Variants in FBXL7 observed in about 807,000 individuals in gnomAD.
The protein encoded by FBXL7 is F-box and leucine rich repeat protein 7.
In FBXL7, 12 loss-of-function variants were observed where a neutral mutation model predicts 38.3. The observed-to-expected ratio is 0.31, with a 90% CI of 0.20 to 0.51. The LOEUF is 0.51. Ranked by LOEUF, FBXL7 falls within the 20% of genes least tolerant of loss-of-function variation. FBXL7 has a pLI of 0.98. For missense variants in FBXL7, 567 were observed against 676.4 expected (o/e 0.84, Z 1.79); for synonymous variants, 297 against 300.9 (o/e 0.99, Z 0.13).
At chr5:15,848,865 A>G (rs1002953441) in intron 2 of FBXL7, among the ~76,000 whole-genome samples, 1 of 152,166 alleles carries the variant, frequency 6.6e-6, no homozygotes, top group African/African-American at 2.4e-5. Context: ...TTCAAACAAT[A>G]TTTTTCAGGA....
At chr5:15,605,637 G>A (rs192585151) in intron 1 of FBXL7, among the ~76,000 whole-genome samples, 6 of 152,254 alleles carry the variant, frequency 3.9e-5, no homozygotes, top group Admixed American at 6.5e-5. Context: ...TTGGGGTGAT[G>A]AAAACATTTT....
rs543184554 is a variant in FBXL7 at position 15,694,133 on chromosome 5, C to T, written c.127+78061C>T. 1.2e-4 allele frequency among the ~76,000 whole-genome samples: 18 copies of T among 152,276 alleles called. No individual in the cohort carries two copies. In the South Asian group the frequency reaches 2.3e-3, roughly 19 times the overall value. On this transcript the variant is annotated intron_variant, in intron 2 of 3. Transcript: ENST00000504595. ...CGCTGCTGTGGGGTCGGAGCCCGTACTCCCCATGACATGCCTGTCTGCATG... is the reference window on the plus strand; with the variant it reads ...CGCTGCTGTGGGGTCGGAGCCCGTATTCCCCATGACATGCCTGTCTGCATG...
chr5:15,556,034 T>C (rs1015238909), intron 1 of FBXL7, among the ~76,000 whole-genome samples: 3 of 151,100 alleles, frequency 2.0e-5, no homozygotes, highest in Non-Finnish European at 4.4e-5. Flanking sequence ...CAGTCTATCA[T>C]CTACTTATCA....
intron 2 of FBXL7, among the ~76,000 whole-genome samples, chr5:15,626,433 C>A (rs1486314103): frequency 6.6e-6 from 1 of 152,056 alleles, no homozygotes; most frequent in Non-Finnish European, 1.5e-5. Flanking sequence ...ATGCTAAATA[C>A]CATTTCAGAC....
intron 2 of FBXL7, among the ~76,000 whole-genome samples, chr5:15,627,508 A>G (rs926544614): frequency 6.6e-6 from 1 of 152,212 alleles, no homozygotes; most frequent in Non-Finnish European, 1.5e-5. Context: ...TAGGCTCACA[A>G]AGTGTGTTAA....
chr5:15,556,025 A>C (rs1453610667), intron 1 of FBXL7, among the ~76,000 whole-genome samples: 1 of 138,538 alleles, frequency 7.2e-6, no homozygotes, highest in Non-Finnish European at 1.6e-5. Context: ...ATCATCTATC[A>C]GTCTATCATC....
chr5:15,764,970 A>G (rs1736547815), intron 2 of FBXL7, among the ~76,000 whole-genome samples: 1 of 152,206 alleles, frequency 6.6e-6, no homozygotes, highest in Non-Finnish European at 1.5e-5. Flanking sequence ...ATTTCTACAA[A>G]TTTTTTATTG....
rs535461314 is a variant in FBXL7 at position 15,503,156 on chromosome 5, C to A, written c.37+2443C>A. Among the ~76,000 whole-genome samples the A allele has an allele frequency of 8.5e-5, 13 of 152,294 alleles. No homozygotes were observed. In the South Asian group the frequency reaches 2.7e-3, roughly 32 times the overall value. ...ATAGCTGAGGTCGGGCGCGGTGGCC[C>A]ACACCTGTAATCCCACCAATTTGAG... On this transcript the variant is annotated intron_variant, in intron 1 of 3. Coordinates refer to ENST00000504595, the MANE Select transcript of FBXL7 (RefSeq NM_012304.5).
chr5:15,676,708 G>A (rs1475215275), intron 2 of FBXL7, among the ~76,000 whole-genome samples: 1 of 152,164 alleles, frequency 6.6e-6, no homozygotes, highest in African/African-American at 2.4e-5. Context: ...GCCATAGGTG[G>A]CCATGCTGCA....
At chr5:15,715,406 G>A (rs548481376) in intron 2 of FBXL7, among the ~76,000 whole-genome samples, 5 of 149,118 alleles carry the variant, frequency 3.4e-5, no homozygotes, top group South Asian at 2.1e-4. Context: ...CAGAAGAATC[G>A]CTTGAACCTG....
At chr5:15,708,253 G>A (rs1420440299) in intron 2 of FBXL7, among the ~76,000 whole-genome samples, 1 of 152,140 alleles carries the variant, frequency 6.6e-6, no homozygotes, top group African/African-American at 2.4e-5. Flanking sequence ...AACATTGTCT[G>A]CTCACTGCAG....
At chr5:15,926,381 G>C (rs997137219) in intron 2 of FBXL7, among the ~76,000 whole-genome samples, 1 of 146,742 alleles carries the variant, frequency 6.8e-6, no homozygotes, top group African/African-American at 2.5e-5. Context: ...TAATATCAAT[G>C]TATATTATGT....
At chr5:15,553,618 T>C (rs1738149570) in intron 1 of FBXL7, among the ~76,000 whole-genome samples, 1 of 152,224 alleles carries the variant, frequency 6.6e-6, no homozygotes, top group Non-Finnish European at 1.5e-5. Flanking sequence ...AATAAATCTC[T>C]GTTTTACAGA....
At chr5:15,852,641 C>G (rs1434044204) in intron 2 of FBXL7, among the ~76,000 whole-genome samples, 1 of 151,798 alleles carries the variant, frequency 6.6e-6, no homozygotes, top group Non-Finnish European at 1.5e-5. Context: ...GAGAAGACCA[C>G]ATTTACAGTC....
intron 2 of FBXL7, among the ~76,000 whole-genome samples, chr5:15,788,170 C>T (rs995550804): frequency 1.3e-5 from 2 of 152,228 alleles, no homozygotes; most frequent in South Asian, 2.1e-4. Context: ...GAGGGCCCAA[C>T]GCAATGGAGT....
At chr5:15,638,093 AC>A (rs1389068299) in intron 2 of FBXL7, among the ~76,000 whole-genome samples, 1 of 152,044 alleles carries the variant, frequency 6.6e-6, no homozygotes, top group Admixed American at 6.6e-5. Context: ...CAATGTCACC[AC>A]CCCCCAGGTG....
intron 2 of FBXL7, among the ~76,000 whole-genome samples, chr5:15,695,862 C>T (rs1455686429): frequency 2.6e-5 from 4 of 152,210 alleles, no homozygotes; most frequent in Non-Finnish European, 5.9e-5. Flanking sequence ...ACTGAAAAAA[C>T]ACTCAGGTTC....
At chr5:15,621,736 A>G (rs984368363) in intron 2 of FBXL7, among the ~76,000 whole-genome samples, 1 of 152,242 alleles carries the variant, frequency 6.6e-6, no homozygotes. Context: ...AGCTTTGGCC[A>G]GCTGTTCTTT....
chr5:15,520,989 G>C (rs1737083270), intron 1 of FBXL7, among the ~76,000 whole-genome samples: 1 of 152,172 alleles, frequency 6.6e-6, no homozygotes, highest in African/African-American at 2.4e-5. Context: ...AGGTACCGAA[G>C]GCATGAAAGA....
Sources: allele counts gnomAD v4.1 joint callset (sites outside exome capture counted in the v4.1 genomes callset), GRCh38; gene constraint gnomAD v4.1.1; transcripts MANE v1.5; gene names NCBI Gene and HGNC (gene_info 2026-07-23, HGNC 2026-07-21).